The following CDH23 variants were observed in gnomAD, a reference collection of about 807,000 sequenced individuals.
CDH23 encodes the protein cadherin-23.
Under a neutral mutation model 317.1 loss-of-function variants are expected in CDH23, and 189 were observed. The ratio of observed to expected loss-of-function variants is 0.60; its 90% confidence interval spans 0.53 to 0.67. The LOEUF (loss-of-function observed/expected upper bound fraction) is 0.67. Ranked by LOEUF, CDH23 falls within the 30% of genes least tolerant of loss-of-function variation. The pLI is 0.00. For missense variants in CDH23, 4,401 were observed against 4,592.4 expected (o/e 0.96, Z 1.20); for synonymous variants, 1,839 against 1,876.8 (o/e 0.98, Z 0.52).
At chr10:71,406,668 T>TA (rs71480582) in intron 1 of CDH23, among the ~76,000 whole-genome samples, 2,330 of 151,988 alleles carry the variant, frequency 0.015, 32 homozygotes, top group Non-Finnish European at 0.025. Context: ...ACATCGAGAT[T>TA]AAAAAAAAAT....
chr10:71,788,891 G>A (rs1358712774), intron 44 of CDH23, 49 bp from the exon 45 acceptor site: 3 of 929,948 alleles, frequency 3.2e-6, no homozygotes, highest in Non-Finnish European at 3.6e-6. Flanking sequence ...CTAGGTGGGG[G>A]CACTTTGCTG....
chr10:71,570,672 G>A, intron 7 of CDH23, 118 bp from the exon 8 acceptor site: 2 of 1,129,830 alleles, frequency 1.8e-6, no homozygotes, highest in South Asian at 1.5e-5. Flanking sequence ...GTGTGTGCGT[G>A]TGCATGTGTT....
chr10:71,777,625 C>T, intron 38 of CDH23, 55 bp from the exon 39 acceptor site: 2 of 1,493,658 alleles, frequency 1.3e-6, no homozygotes, highest in Non-Finnish European at 1.8e-6. Context: ...CCATCTGGAT[C>T]CACCTTGGTC....
chr10:71,593,476 C>G (rs771029950), intron 9 of CDH23, among the ~76,000 whole-genome samples: 14 of 152,170 alleles, frequency 9.2e-5, no homozygotes, highest in Non-Finnish European at 1.6e-4. Flanking sequence ...TGTTCTACGT[C>G]AAAGGAGTTC....
chr10:71,709,064 T>G, intron 26 of CDH23, 34 bp from the exon 27 acceptor site: 1 of 1,601,758 alleles, frequency 6.2e-7, no homozygotes, highest in East Asian at 2.2e-5. Context: ...GAGCTCTGTT[T>G]CCCAGCCGGA....
intron 9 of CDH23, 69 bp downstream of exon 9, chr10:71,578,061 T>C: frequency 2.8e-6 from 4 of 1,445,632 alleles, no homozygotes; most frequent in Non-Finnish European, 3.8e-6. Context: ...CCAGTAGGCA[T>C]CTCAGGCTCT....
intron 11 of CDH23, among the ~76,000 whole-genome samples, chr10:71,639,338 C>T (rs1321015519): frequency 6.6e-6 from 1 of 152,202 alleles, no homozygotes; most frequent in Non-Finnish European, 1.5e-5. Flanking sequence ...TGAAGGCAGT[C>T]CCCCAGCCCC....
At chr10:71,425,214 T>G (rs1589289529) in intron 1 of CDH23, among the ~76,000 whole-genome samples, 2 of 92,526 alleles carry the variant, frequency 2.2e-5, no homozygotes, top group Admixed American at 1.5e-4. Context: ...AAAATCACAG[T>G]GGGGCAGAGA....
At chr10:71,568,716 C>A (rs565197371) in intron 7 of CDH23, among the ~76,000 whole-genome samples, 1 of 152,132 alleles carries the variant, frequency 6.6e-6, no homozygotes, top group Non-Finnish European at 1.5e-5. Context: ...CCTGGCATTG[C>A]GGGCAACAGT....
At chr10:71,678,378 G>A (rs1452167958) in intron 16 of CDH23, among the ~76,000 whole-genome samples, 1 of 152,144 alleles carries the variant, frequency 6.6e-6, no homozygotes, top group Non-Finnish European at 1.5e-5. Context: ...GTCTAGTCCC[G>A]GAATGCTATT....
intron 3 of CDH23, among the ~76,000 whole-genome samples, chr10:71,473,674 A>T (rs1045122253): frequency 2.6e-5 from 4 of 152,246 alleles, no homozygotes; most frequent in African/African-American, 9.6e-5. Flanking sequence ...CATCAAATAC[A>T]TGTGAAAACA....
chr10:71,720,951 G>A (rs544946271), intron 28 of CDH23, among the ~76,000 whole-genome samples: 1 of 152,314 alleles, frequency 6.6e-6, no homozygotes, highest in African/African-American at 2.4e-5. Flanking sequence ...CGGCCCAAAG[G>A]TGTTTTCAAT....
chr10:71,494,554 G>C (rs998153080), intron 3 of CDH23, among the ~76,000 whole-genome samples: 1 of 152,184 alleles, frequency 6.6e-6, no homozygotes, highest in Admixed American at 6.5e-5. Flanking sequence ...TCACGTGTTT[G>C]TGGTAAATAT....
chr10:71,716,264 G>A lies in CDH23; in HGVS notation c.3369+3451G>A, dbSNP rs200093795. ...AGTTGCCTCTGCAAGGGTCCCGGGA[G>A]TGACGGGAGCTGAGAGAAAGGCGAG... On this transcript the variant is annotated intron_variant, in intron 28 of 69. Transcript: ENST00000224721. The A allele has an allele frequency of 3.0e-3, 4,696 of 1,543,252 alleles. 10 individuals are homozygous for A. The highest frequency in any genetic ancestry group is 6.8e-3 in the Admixed American group (344 of 50,260).
intron 38 of CDH23, among the ~76,000 whole-genome samples, chr10:71,776,318 A>G (rs1236956992): frequency 3.3e-5 from 5 of 152,118 alleles, no homozygotes; most frequent in African/African-American, 4.8e-5. Flanking sequence ...CCATTCTTCC[A>G]GTGGTAGCTC....
intron 11 of CDH23, among the ~76,000 whole-genome samples, chr10:71,641,400 G>T (rs1388237780): frequency 6.6e-6 from 1 of 152,218 alleles, no homozygotes; most frequent in Admixed American, 6.5e-5. Flanking sequence ...GCAGAGCTCA[G>T]AGTGGCTCCG....
rs573030688 is a variant in CDH23, at chr10:71,597,262, C to T, written c.833-18242C>T. ...CCTCCTCTGTCCCCTAGCTGGTCTCCGTCTTTCTCCCAACATGGGGCTGGT... is the reference window on the plus strand; with the variant it reads ...CCTCCTCTGTCCCCTAGCTGGTCTCTGTCTTTCTCCCAACATGGGGCTGGT... On this transcript the variant is annotated intron_variant, in intron 9 of 69. Transcript: ENST00000224721. Among the ~76,000 whole-genome samples, 7 of 152,222 alleles carry T rather than the reference C, an allele frequency of 4.6e-5. No homozygotes were observed. The South Asian group carries it at 8.3e-4, about 18-fold the overall frequency.
chr10:71,791,479 G>A, intron 47 of CDH23, 144 bp downstream of exon 47: 1 of 656,720 alleles, frequency 1.5e-6, no homozygotes, highest in South Asian at 1.9e-5. Flanking sequence ...CACTGGAGAG[G>A]GAGTCAGGAG....
chr10:71,559,796 A>C (rs1857037696), intron 6 of CDH23, among the ~76,000 whole-genome samples: 1 of 152,206 alleles, frequency 6.6e-6, no homozygotes, highest in African/African-American at 2.4e-5. Context: ...GATCCAGTAC[A>C]TTTCACCCAA....
Sources: gnomAD v4.1 joint callset for allele counts (sites outside exome capture counted in the v4.1 genomes callset) on GRCh38, gnomAD v4.1.1 for gene constraint, MANE v1.5 for transcripts, NCBI Gene and HGNC (gene_info 2026-07-23, HGNC 2026-07-21) for gene names.